The following MCC variants were observed in gnomAD, a reference collection of about 807,000 sequenced individuals.
MCC encodes the protein MCC regulator of Wnt signaling pathway.
Under a neutral mutation model 116.2 loss-of-function variants are expected in MCC, and 90 were observed. The ratio of observed to expected loss-of-function variants is 0.77; its 90% CI spans 0.65 to 0.92. The LOEUF (loss-of-function observed/expected upper bound fraction) is 0.92, where lower values mean the gene tolerates loss of function less well. Ranked by LOEUF, MCC falls within the 40% of genes least tolerant of loss-of-function variation. The pLI, the probability that MCC is intolerant of heterozygous loss-of-function variation, is 0.00. For missense variants in MCC, 1,516 were observed against 1,312.2 expected (o/e 1.16, Z -2.40); for synonymous variants, 578 against 510.5 (o/e 1.13, Z -1.78).
At chr5:113,472,000 A>C (rs1772106103) in intron 1 of MCC, among the ~76,000 whole-genome samples, 1 of 152,068 alleles carries the variant, frequency 6.6e-6, no homozygotes, top group South Asian at 2.1e-4. Flanking sequence ...CCGTTTTTTA[A>C]GCCCGTTGGA....
chr5:113,145,486 C>T (rs1272616258), intron 4 of MCC, among the ~76,000 whole-genome samples: 2 of 152,108 alleles, frequency 1.3e-5, no homozygotes, highest in Admixed American at 1.3e-4. Context: ...CTTTGATGTC[C>T]TTACAGGTCA....
At chr5:113,045,063 C>T (rs975581773) in intron 16 of MCC, among the ~76,000 whole-genome samples, 2 of 152,224 alleles carry the variant, frequency 1.3e-5, no homozygotes, top group Non-Finnish European at 2.9e-5. Context: ...CTCAGAGATC[C>T]AAGTCCCCTG....
At chr5:113,095,822 A>G (rs191441585) in intron 8 of MCC, among the ~76,000 whole-genome samples, 1 of 152,186 alleles carries the variant, frequency 6.6e-6, no homozygotes, top group African/African-American at 2.4e-5. Context: ...CTAGTCTGAG[A>G]GGAGTTCAGT....
intron 1 of MCC, among the ~76,000 whole-genome samples, chr5:113,415,877 C>T: frequency 6.6e-6 from 1 of 152,190 alleles, no homozygotes; most frequent in Non-Finnish European, 1.5e-5. Flanking sequence ...TTCACCTTTT[C>T]TGCTCTGGTT....
At chr5:113,462,501 G>C (rs534322124) in intron 1 of MCC, among the ~76,000 whole-genome samples, 1 of 148,636 alleles carries the variant, frequency 6.7e-6, no homozygotes, top group South Asian at 2.1e-4. Context: ...ATAGCTATCA[G>C]CCTAGAATCT....
Position 113,434,682 on chromosome 5 carries a change from AAG to A in MCC, c.171-49472_171-49471del. The A allele has an allele frequency of 8.1e-6, 13 of 1,614,008 alleles. No homozygotes were observed. The highest frequency in any genetic ancestry group is 1.1e-5 in the Non-Finnish European group (13 of 1,179,898). On this transcript the variant is annotated intron_variant, in intron 1 of 18. Coordinates refer to ENST00000408903, the MANE Select transcript of MCC (RefSeq NM_001085377.2). The surrounding 1 kb of genome is among the most constrained non-coding windows in gnomAD (Gnocchi z 4.2). ...AATTTCCCGGGGAAGGAATTTCTCC[AAG>A]AAGTCTGCGGGGGCCTTCTTGCGGT...
chr5:113,086,317 C>G (rs1486552423), intron 8 of MCC, among the ~76,000 whole-genome samples: 1 of 78,632 alleles, frequency 1.3e-5, no homozygotes, highest in Non-Finnish European at 2.5e-5. Flanking sequence ...GGGGGTTGAA[C>G]AGGTGCTAGG....
chr5:113,315,708 A>C (rs1004726251), intron 3 of MCC, among the ~76,000 whole-genome samples: 1 of 132,772 alleles, frequency 7.5e-6, no homozygotes, highest in Admixed American at 6.9e-5. Context: ...TCTCTACAAA[A>C]AAAAAAAAAA....
intron 8 of MCC, 116 bp downstream of exon 8, chr5:113,101,623 G>T: frequency 9.7e-7 from 1 of 1,035,096 alleles, no homozygotes; most frequent in Non-Finnish European, 1.5e-6. Context: ...AAGAGACAGT[G>T]ATTCCCAAAA....
chr5:113,469,010 T>C (rs1442228358), intron 1 of MCC, among the ~76,000 whole-genome samples: 1 of 152,270 alleles, frequency 6.6e-6, no homozygotes, highest in Non-Finnish European at 1.5e-5. Flanking sequence ...TTTGTACTTC[T>C]GTGGGATCGG....
intron 2 of MCC, among the ~76,000 whole-genome samples, chr5:113,370,415 C>T (rs896395997): frequency 3.9e-5 from 6 of 152,162 alleles, no homozygotes; most frequent in African/African-American, 9.7e-5. Context: ...TTAACAGAAA[C>T]GTCACAAAAC....
chr5:113,336,617 TTCAGGC>T (rs1767875078), intron 3 of MCC, among the ~76,000 whole-genome samples: 1 of 148,132 alleles, frequency 6.8e-6, no homozygotes, highest in Admixed American at 6.6e-5. Context: ...CTATAGTAAC[TTCAGGC>T]TCAGCACTAG....
intron 3 of MCC, among the ~76,000 whole-genome samples, chr5:113,277,367 CA>C (rs34104526): frequency 0.59 from 79,761 of 136,008 alleles, 24,353 homozygotes; most frequent in African/African-American, 0.85. Flanking sequence ...GACTCCATCT[CA>C]AAAAAAAAAA....
At chr5:113,454,607 C>G (rs1349665037) in intron 1 of MCC, among the ~76,000 whole-genome samples, 1 of 152,068 alleles carries the variant, frequency 6.6e-6, no homozygotes, top group Non-Finnish European at 1.5e-5. Context: ...AACAAAGATT[C>G]TAAGAAGAGT....
At chr5:113,224,363 G>A (rs1241940663) in intron 3 of MCC, among the ~76,000 whole-genome samples, 4 of 152,210 alleles carry the variant, frequency 2.6e-5, no homozygotes, top group African/African-American at 9.6e-5. Context: ...AAAGTGCTAG[G>A]ATTACAGGCG....
chr5:113,161,638 G>A (rs958356074), intron 3 of MCC, among the ~76,000 whole-genome samples: 19 of 27,180 alleles, frequency 7.0e-4, no homozygotes, highest in Admixed American at 1.9e-3. Flanking sequence ...GTGTGTGTGT[G>A]TGTGTGTGTG....
intron 3 of MCC, among the ~76,000 whole-genome samples, chr5:113,283,657 TC>T (rs543397108): frequency 5.3e-5 from 8 of 152,018 alleles, no homozygotes; most frequent in South Asian, 2.1e-4. Context: ...ATCTCATTAT[TC>T]CCCCCGCAAA....
intron 3 of MCC, among the ~76,000 whole-genome samples, chr5:113,330,666 C>T (rs1288138896): frequency 1.3e-5 from 2 of 152,160 alleles, no homozygotes; most frequent in Non-Finnish European, 2.9e-5. Flanking sequence ...CCCCTCTTCC[C>T]CTCCCCTACA....
intron 3 of MCC, 126 bp from the exon 4 acceptor site, chr5:113,151,548 A>T (rs1759878017): frequency 1.6e-6 from 1 of 623,028 alleles, no homozygotes; most frequent in South Asian, 2.1e-5. Context: ...TTGAGAATGA[A>T]GGTAAGTGTT....
Sources: allele counts gnomAD v4.1 joint callset (sites outside exome capture counted in the v4.1 genomes callset), GRCh38; gene constraint gnomAD v4.1.1; non-coding constraint Gnocchi (gnomAD v3.1); transcripts MANE v1.5; gene names NCBI Gene and HGNC (gene_info 2026-07-23, HGNC 2026-07-21).